EIF4G1: variants seen among roughly 807,000 people sequenced by gnomAD.
EIF4G1 encodes the protein eukaryotic translation initiation factor 4 gamma 1.
EIF4G1 carries 4 observed loss-of-function variants against 187.8 expected under a neutral mutation model. That is an observed-to-expected ratio of 0.02 (90% CI 0.01 to 0.05). EIF4G1 has a LOEUF of 0.05. EIF4G1 is among the 10% of genes least tolerant of loss of function. EIF4G1 has a pLI of 1.00. For synonymous variants in EIF4G1, 844 were observed against 781.4 expected, an observed-to-expected ratio of 1.08 and a Z score of -1.34; for missense variants, 1,647 against 2,081.1, an observed-to-expected ratio of 0.79 and a Z score of 4.06.
Position 184,319,786 on chromosome 3 carries a change from G to A in EIF4G1, c.522G>A (p.Lys174=). The change falls in exon 7 of 33, where the codon AAG becomes AAA. Residue 174 remains lysine, a synonymous_variant. Transcript: ENST00000346169. ...ACCAGCCACCCCAGATTGCTCCCAA[G>A]AGGGAGCGTAAGACGGTGAGTAGCA... ...LMNQPPQIAP[K]RERKTIRIRD... 6.2e-7 allele frequency: 1 copy of A among 1,602,608 alleles called. No individual in the cohort carries two copies. Among genetic ancestry groups the A allele is most frequent in the Non-Finnish European group, 8.5e-7 (1 of 1,174,420 alleles).
At chr3:184,319,841 G>A in intron 7 of EIF4G1, 40 bp downstream of exon 7, 1 of 1,385,392 alleles carries the variant, frequency 7.2e-7, no homozygotes, top group Non-Finnish European at 1.0e-6. Flanking sequence ...CTGGGAAGGG[G>A]AGAATCAAGG....
intron 6 of EIF4G1, chr3:184,319,139 A>T (rs1723326599): frequency 6.6e-6 from 1 of 152,658 alleles, no homozygotes; most frequent in Non-Finnish European, 1.5e-5. Flanking sequence ...GCTTTAAGGA[A>T]TTAATTTTTC....
intron 28 of EIF4G1, among the ~76,000 whole-genome samples, chr3:184,330,896 C>T (rs1399695039): frequency 2.0e-5 from 3 of 152,148 alleles, no homozygotes; most frequent in South Asian, 2.1e-4. Flanking sequence ...CCCACCACCA[C>T]GCCTGGCTAA....
intron 6 of EIF4G1, among the ~76,000 whole-genome samples, chr3:184,318,635 C>A (rs1027861405): frequency 3.9e-5 from 6 of 152,144 alleles, no homozygotes; most frequent in African/African-American, 1.4e-4. Context: ...GACGGAGTCT[C>A]GCTCTGTCAC....
chr3:184,319,576 A>G, intron 6 of EIF4G1, 113 bp from the exon 7 acceptor site: 1 of 745,904 alleles, frequency 1.3e-6, no homozygotes, highest in Non-Finnish European at 2.4e-6. Context: ...GGGCAAGGCA[A>G]GGGGCCGGCT....
intron 5 of EIF4G1, 108 bp from the exon 6 acceptor site, chr3:184,317,609 A>T (rs1220943954): frequency 1.9e-6 from 3 of 1,544,388 alleles, no homozygotes; most frequent in Non-Finnish European, 2.7e-6. Flanking sequence ...CCTTCTGGTC[A>T]TTGCCCAGAG....
At position 184,323,756 on chromosome 3, in the gene EIF4G1, A is replaced by G; in HGVS notation, c.2275-24A>G. The G allele has an allele frequency of 6.2e-7, 1 of 1,612,840 alleles. No homozygotes were observed. The highest frequency in any genetic ancestry group is 8.5e-7 in the Non-Finnish European group (1 of 1,179,964). ...CAGCCTGTTCTGAGACCCTCACTGGAACTCTTGTCTCTTCTCCCTCCAGGA... is the reference window on the plus strand; with the variant it reads ...CAGCCTGTTCTGAGACCCTCACTGGGACTCTTGTCTCTTCTCCCTCCAGGA... On this transcript the variant is annotated intron_variant, in intron 15 of 32. Coordinates refer to ENST00000346169, the MANE Select transcript of EIF4G1 (RefSeq NM_198241.3). This position sits in a 1 kb window ranked among gnomAD's most constrained non-coding sequence, Gnocchi z 6.9.
chr3:184,328,896 T>A lies in EIF4G1; in HGVS notation c.4080-13T>A. ...GTGGAGGCTGTCAGCATTAGGTTTT[T>A]CTCTTCTTGTAGGGAGATTACAAAG... On this transcript the variant is annotated splice_polypyrimidine_tract_variant and intron_variant, in intron 27 of 32. Coordinates refer to ENST00000346169, the MANE Select transcript of EIF4G1 (RefSeq NM_198241.3). The A allele has an allele frequency of 6.2e-7, 1 of 1,614,136 alleles. No homozygotes were observed. Among genetic ancestry groups the A allele is most frequent in the East Asian group, 2.2e-5 (1 of 44,878 alleles).
At chr3:184,318,885 G>A (rs1189246852) in intron 6 of EIF4G1, among the ~76,000 whole-genome samples, 1 of 151,798 alleles carries the variant, frequency 6.6e-6, no homozygotes, top group African/African-American at 2.4e-5. Flanking sequence ...GATTATAGGC[G>A]TGAGCCACCA....
rs200810038 is a variant in EIF4G1 at position 184,334,860 on chromosome 3, C to T, written c.4752C>T (p.Ala1584=). The change falls in exon 33 of 33, where the codon GCC becomes GCT. Residue 1584 remains alanine, a synonymous_variant. Coordinates refer to ENST00000346169, the MANE Select transcript of EIF4G1 (RefSeq NM_198241.3). The surrounding 1 kb of genome is among the most constrained non-coding windows in gnomAD (Gnocchi z 5.8). ...GTGTGGCCCTTAAATCTGTCACAGC[C>T]TTCTTCAAGTGGCTCCGTGAAGCAG... The part of the protein sequence containing the change: ...GKGVALKSVT[A]FFKWLREAEE... 15 of 1,614,216 alleles carry T rather than the reference C, an allele frequency of 9.3e-6. No individual in the cohort carries two copies. Among genetic ancestry groups the T allele is most frequent in the Non-Finnish European group, 1.3e-5 (15 of 1,180,032 alleles).
intron 17 of EIF4G1, among the ~76,000 whole-genome samples, 170 bp from the exon 18 acceptor site, chr3:184,324,708 G>A (rs1157337179): frequency 6.6e-6 from 1 of 152,018 alleles, no homozygotes; most frequent in Admixed American, 6.5e-5. Context: ...CAAGTGATCC[G>A]CCTGCCTCAG....
intron 26 of EIF4G1, 135 bp downstream of exon 26, chr3:184,328,137 A>G (rs1318690590): frequency 1.9e-6 from 2 of 1,068,616 alleles, no homozygotes; most frequent in Non-Finnish European, 2.8e-6. Flanking sequence ...TAATCCCTGC[A>G]CTTTGGGAGG....
chr3:184,315,618 G>T (rs538146278), intron 2 of EIF4G1, 73 bp downstream of exon 2: 2 of 773,104 alleles, frequency 2.6e-6, no homozygotes, highest in South Asian at 1.4e-5. Flanking sequence ...ATGTTGGTGG[G>T]GACAGGCTGT....
Position 184,331,534 on chromosome 3 carries a change from G to T in EIF4G1, c.4323G>T (p.Glu1441Asp). The T allele has an allele frequency of 3.1e-6, 5 of 1,614,158 alleles. No individual in the cohort carries two copies. Among genetic ancestry groups the T allele is most frequent in the Non-Finnish European group, 4.2e-6 (5 of 1,180,018 alleles). Residue 1441 changes from glutamate to aspartate, a missense_variant, in exon 30 of 33, where the codon GAG (glutamate) becomes GAT (aspartate). This residue lies in a region of EIF4G1 where 543 missense variants were observed against 638.0 expected (regional missense o/e 0.85). Transcript: ENST00000346169. ...CTGGCCAGAGGGCACTCCCCTCCGA[G>T]GAGCTGAACAGGCAGCTGGAGAAGC... ...EAPGQRALPS[E>D]ELNRQLEKLL...
At position 184,322,036 on chromosome 3, in the gene EIF4G1, C is replaced by A; in HGVS notation, c.1452C>A (p.Leu484=). The change falls in exon 10 of 33, where the codon CTC becomes CTA. Residue 484 remains leucine (L), a synonymous_variant. Transcript: ENST00000346169. Reference sequence around the variant, plus strand: ...GTGAGAAAGGAGGAGAGGAACTGCTCCCCCCAGAGAGTACCCCTATTCCAG... The same window carrying A: ...GTGAGAAAGGAGGAGAGGAACTGCTACCCCCAGAGAGTACCCCTATTCCAG... ...AESEKGGEEL[L]PPESTPIPAN... is the part of the protein sequence containing the mutation. 6.2e-7 allele frequency: 1 copy of A among 1,614,148 alleles called. No homozygotes were observed. The highest frequency in any genetic ancestry group is 8.5e-7 in the Non-Finnish European group (1 of 1,180,018).
At chr3:184,326,227 A>G (rs558646803) in intron 21 of EIF4G1, among the ~76,000 whole-genome samples, 15 of 152,128 alleles carry the variant, frequency 9.9e-5, no homozygotes, top group African/African-American at 3.4e-4. Flanking sequence ...TTACATTTTA[A>G]AGTTGCGAAA....
At chr3:184,332,901 A>T (rs922268471) in intron 32 of EIF4G1, among the ~76,000 whole-genome samples, 5 of 152,188 alleles carry the variant, frequency 3.3e-5, no homozygotes, top group African/African-American at 1.2e-4. Context: ...CCATGGCCAG[A>T]GTCTGGGGCT....
In EIF4G1 at chr3:184,323,989, G is replaced by A. The variant is rs376337982; in HGVS notation, c.2472+12G>A. 90 of 1,613,350 alleles carry A rather than the reference G, an allele frequency of 5.6e-5. No homozygotes were observed. Among genetic ancestry groups the A allele is most frequent in the Non-Finnish European group, 7.5e-5 (89 of 1,180,050 alleles). ...GCTGCCTCATGGCGGTTAGTTTCCA[G>A]TGGGTTCTAAATCTAATGGTCTGGT... On this transcript the variant is annotated intron_variant, in intron 16 of 32. Coordinates refer to ENST00000346169, the MANE Select transcript of EIF4G1 (RefSeq NM_198241.3). The surrounding 1 kb of genome is among the most constrained non-coding windows in gnomAD (Gnocchi z 6.9).
chr3:184,328,897 C>T lies in EIF4G1; in HGVS notation c.4080-12C>T, dbSNP rs1560227816. On this transcript the variant is annotated splice_polypyrimidine_tract_variant and intron_variant, in intron 27 of 32. Transcript: ENST00000346169. ...TGGAGGCTGTCAGCATTAGGTTTTT[C>T]TCTTCTTGTAGGGAGATTACAAAGC... 1 of 1,614,172 alleles carries T rather than the reference C, an allele frequency of 6.2e-7. No homozygotes were observed. The highest frequency in any genetic ancestry group is 8.5e-7 in the Non-Finnish European group (1 of 1,180,026).
Sources: allele counts gnomAD v4.1 joint callset (sites outside exome capture counted in the v4.1 genomes callset), GRCh38; gene constraint gnomAD v4.1.1; regional missense constraint gnomAD v4.1.1; non-coding constraint Gnocchi (gnomAD v3.1); transcripts MANE v1.5; gene names NCBI Gene and HGNC (gene_info 2026-07-23, HGNC 2026-07-21).